The following NR2F1-AS1 variants were observed in gnomAD, a reference collection of about 807,000 sequenced individuals.
NR2F1-AS1 encodes the protein NR2F1 antisense RNA 1.
intron 4 of NR2F1-AS1, among the ~76,000 whole-genome samples, chr5:93,446,569 A>G (rs1004038246): frequency 1.1e-4 from 16 of 152,222 alleles, no homozygotes; most frequent in African/African-American, 3.9e-4. Context: ...AAACAAATGG[A>G]AGAACATTCC....
intron 4 of NR2F1-AS1, among the ~76,000 whole-genome samples, chr5:93,447,977 C>T (rs1462688065): frequency 2.0e-5 from 3 of 152,104 alleles, no homozygotes; most frequent in Admixed American, 6.5e-5. Context: ...TATGTTCTCA[C>T]TCATAGGTGG....
At chr5:93,509,159 TACTATGTGTATC>T (rs1751245297) in intron 4 of NR2F1-AS1, among the ~76,000 whole-genome samples, 1 of 152,140 alleles carries the variant, frequency 6.6e-6, no homozygotes, top group South Asian at 2.1e-4. Context: ...GAGAAAAGGA[TACTATGTGTATC>T]ACTGTAGGTA....
chr5:93,537,992 TA>T (rs1751873419), intron 4 of NR2F1-AS1, among the ~76,000 whole-genome samples: 1 of 152,142 alleles, frequency 6.6e-6, no homozygotes, highest in South Asian at 2.1e-4. Flanking sequence ...AATTGGCATA[TA>T]TACATAGTCC....
intron 4 of NR2F1-AS1, chr5:93,410,191 G>A (rs1748824380): frequency 1.3e-5 from 2 of 152,270 alleles, no homozygotes; most frequent in South Asian, 4.2e-4. Flanking sequence ...TGAATACAAT[G>A]AATACTGAAA....
chr5:93,456,369 G>T (rs1164638953), intron 4 of NR2F1-AS1, among the ~76,000 whole-genome samples: 1 of 152,150 alleles, frequency 6.6e-6, no homozygotes, highest in Admixed American at 6.5e-5. Flanking sequence ...GGAAATAATT[G>T]GGAATAAATT....
chr5:93,443,691 T>C (rs1056034840), intron 4 of NR2F1-AS1, among the ~76,000 whole-genome samples: 1 of 151,994 alleles, frequency 6.6e-6, no homozygotes, highest in African/African-American at 2.4e-5. Flanking sequence ...ATTCAGGAAA[T>C]ACAAAGAACA....
At chr5:93,490,929 A>ATGGTGGTGGTGGGAG (rs2149880113) in intron 4 of NR2F1-AS1, among the ~76,000 whole-genome samples, 1 of 90,380 alleles carries the variant, frequency 1.1e-5, no homozygotes. Context: ...AGTGGTGGTG[A>ATGGTGGTGGTGGGAG]TGGTGGTGGT....
At chr5:93,585,482 G>T (rs1479279806), upstream of NR2F1-AS1, 1 of 1,610,394 alleles carries the variant, frequency 6.2e-7, no homozygotes, top group Non-Finnish European at 8.5e-7. Context: ...GCATGAGGCG[G>T]GAAGGTGAAT....
chr5:93,433,645 C>T (rs760460651), intron 4 of NR2F1-AS1, among the ~76,000 whole-genome samples: 2 of 152,132 alleles, frequency 1.3e-5, no homozygotes, highest in Non-Finnish European at 2.9e-5. Flanking sequence ...TGACTCAGTA[C>T]AAGTGTTAAA....
intron 4 of NR2F1-AS1, among the ~76,000 whole-genome samples, chr5:93,541,666 C>T (rs994436350): frequency 6.6e-6 from 1 of 152,038 alleles, no homozygotes; most frequent in Non-Finnish European, 1.5e-5. Context: ...GTCCCTCAAA[C>T]CTTCCACTAC....
chr5:93,423,363 G>C (rs932292709), intron 4 of NR2F1-AS1: 3 of 152,160 alleles, frequency 2.0e-5, no homozygotes, highest in Admixed American at 6.5e-5. Flanking sequence ...AGTTCTGCCA[G>C]TAAAGTCTAT....
upstream of NR2F1-AS1, chr5:93,585,314 C>T (rs761804916): frequency 5.0e-6 from 8 of 1,612,442 alleles, no homozygotes; most frequent in South Asian, 3.3e-5. Context: ...GCGGCAAGCA[C>T]TACGGCCAAT....
upstream of NR2F1-AS1, chr5:93,581,001 C>T (rs1317232535): frequency 6.6e-6 from 1 of 152,248 alleles, no homozygotes; most frequent in Non-Finnish European, 1.5e-5. Context: ...AATCATCGCT[C>T]GTCACTAAGC....
At position 93,506,830 on chromosome 5, in the gene NR2F1-AS1, A is replaced by G. The variant is rs1751195539; in HGVS notation, n.638+46931T>C. 2.0e-5 allele frequency among the ~76,000 whole-genome samples: 3 copies of G among 152,290 alleles called. No individual in the cohort carries two copies. The South Asian group carries it at 6.2e-4, about 32-fold the overall frequency. ...ACAGCCAAACCATATCAACTAGTAT[A>G]ATCTCAACGTGGCAAAAATGGATAA... On this transcript the variant is annotated intron_variant and non_coding_transcript_variant, in intron 4 of 5. Coordinates refer to ENST00000660523, the Ensembl canonical transcript of NR2F1-AS1.
intron 4 of NR2F1-AS1, among the ~76,000 whole-genome samples, chr5:93,481,547 A>G (rs1002404449): frequency 6.6e-6 from 1 of 152,132 alleles, no homozygotes; most frequent in Non-Finnish European, 1.5e-5. Flanking sequence ...ACAACACTAT[A>G]AAGCAACAAG....
At chr5:93,526,568 C>T (rs565959424) in intron 4 of NR2F1-AS1, among the ~76,000 whole-genome samples, 9 of 152,224 alleles carry the variant, frequency 5.9e-5, no homozygotes, top group African/African-American at 1.9e-4. Flanking sequence ...GGCCAACATC[C>T]CTGATGAACA....
chr5:93,421,520 G>A lies in NR2F1-AS1; in HGVS notation n.639-25978C>T, dbSNP rs1216293859. Among the ~76,000 whole-genome samples, 7 of 152,262 alleles carry A rather than the reference G, an allele frequency of 4.6e-5. No homozygotes were observed. In the East Asian group the frequency reaches 7.7e-4, roughly 17 times the overall value. On this transcript the variant is annotated intron_variant and non_coding_transcript_variant, in intron 4 of 5. Coordinates refer to ENST00000660523, the Ensembl canonical transcript of NR2F1-AS1. ...CCCCTCTTCACTAGCAGTTTTTGACGTCATCCAGGCTTTGCAAAATGTGTG... is the reference window on the plus strand; with the variant it reads ...CCCCTCTTCACTAGCAGTTTTTGACATCATCCAGGCTTTGCAAAATGTGTG...
At chr5:93,422,157 A>G (rs1749102153) in intron 4 of NR2F1-AS1, 1 of 152,240 alleles carries the variant, frequency 6.6e-6, no homozygotes. Flanking sequence ...TTTGCCAAAT[A>G]TTCAAATGCT....
At chr5:93,540,045 C>A (rs1400662318) in intron 4 of NR2F1-AS1, among the ~76,000 whole-genome samples, 2 of 152,198 alleles carry the variant, frequency 1.3e-5, no homozygotes, top group African/African-American at 2.4e-5. Context: ...GAATATGCCT[C>A]ATGACCACAA....
Sources: allele counts gnomAD v4.1 joint callset (sites outside exome capture counted in the v4.1 genomes callset), GRCh38; gene constraint gnomAD v4.1.1; transcripts MANE v1.5; gene names NCBI Gene and HGNC (gene_info 2026-07-23, HGNC 2026-07-21).